XRCC4: variants seen among roughly 807,000 people sequenced by gnomAD.
The protein encoded by XRCC4 is DNA repair protein XRCC4.
XRCC4 carries 28 observed loss-of-function variants against 39.1 expected under a neutral mutation model. The observed-to-expected ratio is 0.72, with a 90% confidence interval of 0.53 to 0.98. The LOEUF (loss-of-function observed/expected upper bound fraction) is 0.98, where lower values mean the gene tolerates loss of function less well. Among genes scored for constraint, XRCC4 ranks in the 50% least tolerant of loss-of-function variants. The pLI, the probability that XRCC4 is intolerant of heterozygous loss-of-function variation, is 0.00. For synonymous variants in XRCC4, 123 were observed against 126.4 expected (o/e 0.97, Z 0.18); for missense variants, 350 against 376.4 (o/e 0.93, Z 0.58).
intron 7 of XRCC4, among the ~76,000 whole-genome samples, chr5:83,284,639 T>G (rs1313132824): frequency 6.6e-6 from 1 of 152,152 alleles, no homozygotes; most frequent in African/African-American, 2.4e-5. Context: ...TAAAATGGAA[T>G]TTGATTTGTA....
chr5:83,344,635 A>T (rs1756867375), intron 7 of XRCC4, among the ~76,000 whole-genome samples: 1 of 152,102 alleles, frequency 6.6e-6, no homozygotes, highest in South Asian at 2.1e-4. Flanking sequence ...TGAAAATTTA[A>T]TAATTAATTC....
chr5:83,141,337 G>C lies in XRCC4; in HGVS notation c.315+30134G>C, dbSNP rs147980326. Among the ~76,000 whole-genome samples the C allele has an allele frequency of 8.5e-5, 13 of 152,236 alleles. No individual in the cohort carries two copies. In the East Asian group the frequency reaches 2.5e-3, roughly 29 times the overall value. On this transcript the variant is annotated intron_variant, in intron 3 of 7. Coordinates refer to ENST00000396027, the MANE Select transcript of XRCC4 (RefSeq NM_003401.5). The stretch of plus-strand genomic sequence containing the variant: ...TGAATTCCTACATGTGTGATTGGTA[G>C]ATCAAAAAGTAAGTATGCATGTTGT...
intron 3 of XRCC4, among the ~76,000 whole-genome samples, chr5:83,144,521 T>TTTTGTTTG (rs143945470): frequency 3.9e-5 from 5 of 129,792 alleles, no homozygotes; most frequent in Non-Finnish European, 6.2e-5. Flanking sequence ...ATGTTTTCTT[T>TTTTGTTTG]TTTGTTTGTT....
intron 6 of XRCC4, among the ~76,000 whole-genome samples, chr5:83,237,863 T>G (rs1158181467): frequency 6.6e-6 from 1 of 152,150 alleles, no homozygotes. Context: ...TGTACAACTC[T>G]TATGTATCCA....
intron 7 of XRCC4, among the ~76,000 whole-genome samples, chr5:83,334,444 T>A (rs1426134705): frequency 2.0e-5 from 3 of 152,122 alleles, no homozygotes; most frequent in African/African-American, 4.8e-5. Flanking sequence ...TTACCTTGTT[T>A]ATGATTTTTG....
chr5:83,135,403 T>TTC (rs398109098), intron 3 of XRCC4, among the ~76,000 whole-genome samples: 4 of 151,892 alleles, frequency 2.6e-5, no homozygotes, highest in African/African-American at 9.7e-5. Context: ...TTTTTTTTTT[T>TTC]CCTCAGCTGC....
At chr5:83,295,178 T>C (rs1755051789) in intron 7 of XRCC4, among the ~76,000 whole-genome samples, 1 of 152,040 alleles carries the variant, frequency 6.6e-6, no homozygotes, top group Non-Finnish European at 1.5e-5. Flanking sequence ...GAGGGACATA[T>C]AGTGAGCAGC....
rs116231510 is a variant in XRCC4 at position 83,171,353 on chromosome 5, C to A, written c.316-24417C>A. 3.2e-3 allele frequency among the ~76,000 whole-genome samples: 492 copies of A among 152,220 alleles called. 2 individuals carry two copies. The highest frequency in any genetic ancestry group is 0.011 in the African/African-American group (469 of 41,554). On this transcript the variant is annotated intron_variant, in intron 3 of 7. Coordinates refer to ENST00000396027, the MANE Select transcript of XRCC4 (RefSeq NM_003401.5). The stretch of plus-strand genomic sequence containing the variant: ...CAATTATTCTCCTGCTTAAAAATCA[C>A]TGGGGAAGTCCTACCTTGTTGTCCT...
Position 83,077,618 on chromosome 5 carries a change from A to G in XRCC4, c.-11+3A>G, listed in dbSNP as rs944809045. 1.7e-5 allele frequency: 7 copies of G among 420,318 alleles called. No individual in the cohort carries two copies. Among genetic ancestry groups the G allele is most frequent in the Non-Finnish European group, 3.0e-5 (7 of 229,640 alleles). 26.0% of individuals were successfully genotyped at this position (420,318 alleles called of 1,614,324 possible). A position where few individuals can be genotyped will look rare whatever the true frequency, so the allele number is the denominator to read the frequency against. On this transcript the variant is annotated splice_donor_region_variant and intron_variant, in intron 1 of 7. Transcript: ENST00000396027. The stretch of plus-strand genomic sequence containing the variant: ...ACCGGAAGTAGAGTCACGGAGAGGT[A>G]GGATCCGGAAGTGGGGCTGCCTCTT...
chr5:83,209,549 T>C (rs576186065), intron 6 of XRCC4, among the ~76,000 whole-genome samples: 1 of 152,256 alleles, frequency 6.6e-6, no homozygotes, highest in East Asian at 1.9e-4. Context: ...TCAAAAAGCA[T>C]GCAAATATTT....
At chr5:83,363,572 C>T in the XRCC4 span, among the ~76,000 whole-genome samples, 1 of 152,108 alleles carries the variant, frequency 6.6e-6, no homozygotes, top group Non-Finnish European at 1.5e-5. Flanking sequence ...CTGTCAAACT[C>T]CACTTCATAC....
intron 4 of XRCC4, among the ~76,000 whole-genome samples, chr5:83,197,682 T>G (rs1197286165): frequency 6.6e-6 from 1 of 152,126 alleles, no homozygotes; most frequent in Non-Finnish European, 1.5e-5. Context: ...TTTTGTCTTG[T>G]TGTGAAGAGA....
At chr5:83,324,565 C>T (rs1177545747) in intron 7 of XRCC4, among the ~76,000 whole-genome samples, 1 of 151,986 alleles carries the variant, frequency 6.6e-6, no homozygotes, top group Non-Finnish European at 1.5e-5. Context: ...TTTTTAAGTA[C>T]ATAAGATGCC....
chr5:83,211,718 G>A (rs1036627186), intron 6 of XRCC4, among the ~76,000 whole-genome samples: 3 of 152,120 alleles, frequency 2.0e-5, no homozygotes, highest in African/African-American at 7.2e-5. Context: ...TCTAGACACA[G>A]AGTAACCCAT....
intron 6 of XRCC4, among the ~76,000 whole-genome samples, chr5:83,227,455 G>A (rs770009106): frequency 6.6e-6 from 1 of 152,014 alleles, no homozygotes; most frequent in Non-Finnish European, 1.5e-5. Context: ...ACATGTTGTA[G>A]TTATATACTA....
chr5:83,169,193 G>C (rs1313421261), intron 3 of XRCC4, among the ~76,000 whole-genome samples: 1 of 151,816 alleles, frequency 6.6e-6, no homozygotes, highest in African/African-American at 2.4e-5. Context: ...AATATACTTT[G>C]TATTTATTTT....
intron 2 of XRCC4, among the ~76,000 whole-genome samples, chr5:83,109,383 C>T (rs954032263): frequency 6.6e-6 from 1 of 151,860 alleles, no homozygotes; most frequent in Non-Finnish European, 1.5e-5. Flanking sequence ...ATTACTTGAT[C>T]TCTGTGAGCC....
chr5:83,326,684 A>G (rs1756273317), intron 7 of XRCC4, among the ~76,000 whole-genome samples: 1 of 152,036 alleles, frequency 6.6e-6, no homozygotes, highest in Non-Finnish European at 1.5e-5. Context: ...TGTAATGTAC[A>G]GTTACATTTC....
At chr5:83,207,134 T>G (rs1394400313) in intron 6 of XRCC4, among the ~76,000 whole-genome samples, 1 of 152,182 alleles carries the variant, frequency 6.6e-6, no homozygotes, top group East Asian at 1.9e-4. Context: ...TAATTTGTAC[T>G]CTTTCCAGTT....
Sources: allele counts gnomAD v4.1 joint callset (sites outside exome capture counted in the v4.1 genomes callset), GRCh38; gene constraint gnomAD v4.1.1; transcripts MANE v1.5; gene names NCBI Gene and HGNC (gene_info 2026-07-23, HGNC 2026-07-21).